The following NRG2 variants were observed in gnomAD, a reference collection of about 807,000 sequenced individuals.
NRG2 encodes neuregulin 2.
In NRG2, 27 loss-of-function variants were observed where a neutral mutation model predicts 73.9. The observed-to-expected ratio is 0.37, with a 90% CI of 0.27 to 0.50. The LOEUF is 0.50. Ranked by LOEUF, NRG2 falls within the 20% of genes least tolerant of loss-of-function variation. The pLI is 0.96. For missense variants in NRG2, 1,126 were observed against 1,210.1 expected (o/e 0.93, Z 1.03); for synonymous variants, 532 against 541.0 (o/e 0.98, Z 0.23).
chr5:139,864,775 C>T (rs1762375773), intron 5 of NRG2, among the ~76,000 whole-genome samples: 2 of 152,206 alleles, frequency 1.3e-5, no homozygotes, highest in South Asian at 4.2e-4. Context: ...CACACACACA[C>T]ACACTCACTG....
intron 1 of NRG2, among the ~76,000 whole-genome samples, chr5:139,909,649 G>A (rs1765461168): frequency 6.6e-6 from 1 of 152,210 alleles, no homozygotes; most frequent in Non-Finnish European, 1.5e-5. Context: ...AAGTCATGAG[G>A]CACACTCCTC....
In NRG2 at chr5:139,856,621, C is replaced by T. The variant is rs1381460040; in HGVS notation, c.1190-843G>A. Among the ~76,000 whole-genome samples, 1 of 152,210 alleles carries T rather than the reference C, an allele frequency of 6.6e-6. No individual in the cohort carries two copies. The highest frequency in any genetic ancestry group is 1.5e-5 in the Non-Finnish European group (1 of 68,030). ...AGCTCAGGGTAAAGTGGAGGCTGGA[C>T]CTCAATGCCTTGGCAGAGCCCTGGG... is the stretch of plus-strand genomic sequence containing the variant. On this transcript the variant is annotated intron_variant, in intron 5 of 9. Coordinates refer to ENST00000361474, the MANE Select transcript of NRG2 (RefSeq NM_004883.3). The surrounding 1 kb of genome is among the most constrained non-coding windows in gnomAD (Gnocchi z 4.2).
At chr5:139,991,762 C>T (rs540973331) in intron 1 of NRG2, among the ~76,000 whole-genome samples, 13 of 152,210 alleles carry the variant, frequency 8.5e-5, no homozygotes, top group African/African-American at 2.2e-4. Flanking sequence ...GTTCCAGTTT[C>T]GCTTTTTTGC....
intron 1 of NRG2, among the ~76,000 whole-genome samples, chr5:139,898,658 T>C (rs1253236792): frequency 6.6e-6 from 1 of 152,238 alleles, no homozygotes; most frequent in East Asian, 1.9e-4. Flanking sequence ...CAGGAGCTCC[T>C]GACTGTGCCG....
intron 4 of NRG2, 146 bp downstream of exon 4, chr5:139,871,575 A>G: frequency 9.8e-7 from 1 of 1,015,320 alleles, no homozygotes; most frequent in Non-Finnish European, 1.4e-6. Flanking sequence ...GGAAAGGGCT[A>G]GGAAGTAGGG....
intron 1 of NRG2, among the ~76,000 whole-genome samples, chr5:139,980,614 G>A (rs1041982892): frequency 1.3e-5 from 2 of 152,298 alleles, no homozygotes; most frequent in African/African-American, 2.4e-5. Context: ...AAAAGTCACC[G>A]ACTGCCATTC....
Position 139,851,828 on chromosome 5 carries a change from G to A in NRG2, c.1548C>T (p.His516=), listed in dbSNP as rs758362696. ...STATPTSSHR[H]ESHTWSLERS... ...GTTCCAGGCTCCACGTGTGGCTCTC[G>A]TGTCTGGGAAGGCCAGATGGGGTGA... The change falls in exon 9 of 10, where the codon CAC becomes CAT. Residue 516 remains histidine, a synonymous_variant. Transcript: ENST00000361474. The surrounding 1 kb of genome is among the most constrained non-coding windows in gnomAD (Gnocchi z 4.2). 62 of 1,613,900 alleles carry A rather than the reference G, an allele frequency of 3.8e-5. No individual in the cohort carries two copies. The highest frequency in any genetic ancestry group is 1.6e-4 in the Middle Eastern group (1 of 6,084).
intron 1 of NRG2, among the ~76,000 whole-genome samples, chr5:139,939,244 C>CTTCT (rs1554111241): frequency 2.9e-5 from 4 of 135,674 alleles, no homozygotes; most frequent in African/African-American, 1.3e-4. Context: ...TCCTTCCTTC[C>CTTCT]TTTCTTTCTT....
chr5:139,917,507 C>G (rs930303141), intron 1 of NRG2, among the ~76,000 whole-genome samples: 1 of 152,166 alleles, frequency 6.6e-6, no homozygotes, highest in Non-Finnish European at 1.5e-5. Context: ...CCACCTCAGC[C>G]TCCCAAAGTG....
chr5:140,014,381 C>A (rs1181115474), intron 1 of NRG2, among the ~76,000 whole-genome samples: 1 of 152,068 alleles, frequency 6.6e-6, no homozygotes, highest in East Asian at 1.9e-4. Context: ...TAACTACAGG[C>A]ATGCACCACC....
chr5:139,956,332 C>A (rs749524565), intron 1 of NRG2, among the ~76,000 whole-genome samples: 10 of 151,898 alleles, frequency 6.6e-5, no homozygotes, highest in Non-Finnish European at 1.3e-4. Context: ...CAGAAACCTT[C>A]CCTGACCCCC....
intron 1 of NRG2, among the ~76,000 whole-genome samples, chr5:140,019,045 AGGTG>A (rs1254597032): frequency 6.6e-6 from 1 of 152,230 alleles, no homozygotes; most frequent in Non-Finnish European, 1.5e-5. Flanking sequence ...AATCACGGGG[AGGTG>A]ATAACTAACA....
chr5:139,991,190 C>T (rs1580892791), intron 1 of NRG2, among the ~76,000 whole-genome samples: 1 of 151,958 alleles, frequency 6.6e-6, no homozygotes, highest in Admixed American at 6.6e-5. Context: ...GGCAGAGAAT[C>T]GCTTGAATCC....
intron 5 of NRG2, among the ~76,000 whole-genome samples, chr5:139,863,603 A>C (rs1441395446): frequency 6.6e-6 from 1 of 152,156 alleles, no homozygotes; most frequent in African/African-American, 2.4e-5. Flanking sequence ...CAAGCCCGGG[A>C]GGCTCTCTGC....
intron 1 of NRG2, among the ~76,000 whole-genome samples, chr5:139,959,519 G>A (rs1033969833): frequency 6.6e-6 from 1 of 152,254 alleles, no homozygotes; most frequent in Non-Finnish European, 1.5e-5. Context: ...TGGGATTAAA[G>A]GCATGCGCCA....
At position 139,852,581 on chromosome 5, in the gene NRG2, G is replaced by GAGAGTTAGTGACTGGGGCCCA. The variant is rs1561623720; in HGVS notation, c.1417-43_1417-23dup. 1 of 1,609,382 alleles carries GAGAGTTAGTGACTGGGGCCCA rather than the reference G, an allele frequency of 6.2e-7. No individual in the cohort carries two copies. Among genetic ancestry groups the GAGAGTTAGTGACTGGGGCCCA allele is most frequent in the East Asian group, 2.2e-5 (1 of 44,830 alleles). The stretch of plus-strand genomic sequence containing the variant: ...TATACTGGAACAGACAGAGTTGGGC[G>GAGAGTTAGTGACTGGGGCCCA]AGAGTTAGTGACTGGGGCCCAAATG... On this transcript the variant is annotated intron_variant, in intron 7 of 9. Coordinates refer to ENST00000361474, the MANE Select transcript of NRG2 (RefSeq NM_004883.3). The surrounding 1 kb of genome is among the most constrained non-coding windows in gnomAD (Gnocchi z 4.4).
intron 1 of NRG2, among the ~76,000 whole-genome samples, chr5:139,977,069 A>G (rs1305699156): frequency 6.6e-6 from 1 of 152,202 alleles, no homozygotes; most frequent in East Asian, 1.9e-4. Context: ...TTACAAAGGA[A>G]TAGTGAGGAA....
intron 3 of NRG2, among the ~76,000 whole-genome samples, chr5:139,877,918 G>A (rs569929934): frequency 4.9e-4 from 74 of 152,376 alleles, no homozygotes; most frequent in Non-Finnish European, 8.5e-4. Context: ...GGAGGGTCAA[G>A]AGGCAAGAAG....
intron 1 of NRG2, among the ~76,000 whole-genome samples, chr5:139,985,734 G>A (rs761938102): frequency 1.3e-5 from 2 of 152,170 alleles, no homozygotes; most frequent in Non-Finnish European, 2.9e-5. Context: ...CAGTGTGAAA[G>A]CCAAGCCCCC....
Sources: allele counts gnomAD v4.1 joint callset (sites outside exome capture counted in the v4.1 genomes callset), GRCh38; gene constraint gnomAD v4.1.1; non-coding constraint Gnocchi (gnomAD v3.1); transcripts MANE v1.5; gene names NCBI Gene and HGNC (gene_info 2026-07-23, HGNC 2026-07-21).